The following TMED3 variants were observed in gnomAD, a reference collection of about 807,000 sequenced individuals.
The protein encoded by TMED3 is transmembrane p24 trafficking protein 3, also known as transmembrane emp24 domain-containing protein 3.
A neutral mutation model predicts 15.0 loss-of-function variants in TMED3; 9 were observed. The observed-to-expected ratio is 0.60, with a 90% confidence interval of 0.36 to 1.04. The LOEUF is 1.04. TMED3 is among the 50% of genes least tolerant of loss of function. The probability of loss-of-function intolerance (pLI) is 0.01; values close to 1 mark genes in which losing one functional copy is unlikely to be tolerated. For synonymous variants in TMED3, 117 were observed against 121.4 expected, an observed-to-expected ratio of 0.96 and a Z score of 0.24; for missense variants, 267 against 278.9, an observed-to-expected ratio of 0.96 and a Z score of 0.30.
At chr15:79,382,934 C>T in intron 2 of TMED3, 3 of 1,532,404 alleles carry the variant, frequency 2.0e-6, no homozygotes, top group Non-Finnish European at 2.6e-6. Context: ...AAGTCAATTA[C>T]AAGGGCATAA....
chr15:79,411,811 G>A, exon 3 of TMED3: 1 of 305,254 alleles, frequency 3.3e-6, no homozygotes, highest in Non-Finnish European at 6.3e-6. Context: ...TGGTGTGGGA[G>A]CATTTGCAAT....
At chr15:79,395,832 C>T (rs1347620421) in intron 2 of TMED3, among the ~76,000 whole-genome samples, 1 of 152,274 alleles carries the variant, frequency 6.6e-6, no homozygotes, top group East Asian at 1.9e-4. Flanking sequence ...ACATTTTAAA[C>T]GTTCTTATTT....
intron 2 of TMED3, among the ~76,000 whole-genome samples, chr15:79,394,598 A>G (rs1893739165): frequency 6.6e-6 from 1 of 152,200 alleles, no homozygotes; most frequent in Admixed American, 6.5e-5. Flanking sequence ...CCCACTATTT[A>G]TAGGTCCCAT....
intron 2 of TMED3, among the ~76,000 whole-genome samples, chr15:79,381,467 G>T (rs1162931939): frequency 6.6e-6 from 1 of 152,218 alleles, no homozygotes; most frequent in Non-Finnish European, 1.5e-5. Context: ...GTCCTCTGGA[G>T]CGGTAAGGAG....
intron 2 of TMED3, among the ~76,000 whole-genome samples, chr15:79,376,076 T>C (rs997225326): frequency 2.8e-5 from 4 of 145,272 alleles, no homozygotes; most frequent in Non-Finnish European, 4.5e-5. Flanking sequence ...ACTTACTTCA[T>C]CTATTCTAGA....
chr15:79,328,222 A>T (rs1314101480), intron 2 of TMED3, among the ~76,000 whole-genome samples: 1 of 152,216 alleles, frequency 6.6e-6, no homozygotes, highest in East Asian at 1.9e-4. Context: ...TATAGGAGGA[A>T]GAAAAAGTCA....
chr15:79,375,813 G>A (rs1893414124), intron 2 of TMED3, among the ~76,000 whole-genome samples: 1 of 152,136 alleles, frequency 6.6e-6, no homozygotes, highest in African/African-American at 2.4e-5. Flanking sequence ...CATGAGACTT[G>A]GGCAGGGACA....
chr15:79,329,482 G>A (rs754735368), intron 2 of TMED3, among the ~76,000 whole-genome samples: 1 of 152,246 alleles, frequency 6.6e-6, no homozygotes. Context: ...GTGTAAGCTT[G>A]TACTTGGCTC....
At chr15:79,383,966 G>C (rs1893584604) in intron 2 of TMED3, 1 of 152,194 alleles carries the variant, frequency 6.6e-6, no homozygotes, top group South Asian at 2.1e-4. Context: ...TATTTCTGGG[G>C]CATGATTCAG....
At chr15:79,347,903 A>C (rs1324349722) in intron 2 of TMED3, among the ~76,000 whole-genome samples, 1 of 152,096 alleles carries the variant, frequency 6.6e-6, no homozygotes, top group Non-Finnish European at 1.5e-5. Context: ...AAAGGGAAAA[A>C]ACTCTTATAC....
rs749835770 is a variant in TMED3 at position 79,380,134 on chromosome 15, C to G, written c.418-31266C>G. ...AAATATTGAGGGAGGGGCCGGATCA[C>G]GAGGTCAGGAGTTCGAGACCAGCCT... On this transcript the variant is annotated intron_variant, in intron 2 of 2. Coordinates refer to the TMED3 transcript ENST00000424155. Among the ~76,000 whole-genome samples, 4 of 152,102 alleles carry G rather than the reference C, an allele frequency of 2.6e-5. No homozygotes were observed. In the South Asian group the frequency reaches 8.3e-4, roughly 32 times the overall value.
intron 2 of TMED3, among the ~76,000 whole-genome samples, chr15:79,378,681 C>T (rs1355304050): frequency 6.6e-6 from 1 of 152,170 alleles, no homozygotes; most frequent in Admixed American, 6.5e-5. Context: ...GGTGGGCAGG[C>T]AGCCAACTAC....
chr15:79,390,451 T>G (rs1893681300), intron 2 of TMED3, among the ~76,000 whole-genome samples: 1 of 152,206 alleles, frequency 6.6e-6, no homozygotes, highest in South Asian at 2.1e-4. Context: ...CACTTGATCA[T>G]GGTGGATTAT....
At chr15:79,355,859 A>G (rs886268209) in intron 2 of TMED3, among the ~76,000 whole-genome samples, 1 of 152,204 alleles carries the variant, frequency 6.6e-6, no homozygotes, top group Non-Finnish European at 1.5e-5. Flanking sequence ...TCTACTGCCC[A>G]CATTACAGCT....
At chr15:79,373,573 G>C (rs925727076) in intron 2 of TMED3, among the ~76,000 whole-genome samples, 17 of 152,166 alleles carry the variant, frequency 1.1e-4, no homozygotes, top group African/African-American at 3.9e-4. Flanking sequence ...AGATGCTGCG[G>C]CTTTGGGTTT....
intron 2 of TMED3, among the ~76,000 whole-genome samples, chr15:79,393,528 TG>T (rs1893723546): frequency 6.6e-6 from 1 of 152,204 alleles, no homozygotes; most frequent in South Asian, 2.1e-4. Context: ...CACTTCTGCC[TG>T]GTGACACTTG....
chr15:79,383,090 T>C, intron 2 of TMED3: 1 of 1,475,718 alleles, frequency 6.8e-7, no homozygotes, highest in Admixed American at 2.0e-5. Context: ...CATGGCTCTT[T>C]GCCTGTAGAT....
At chr15:79,385,874 C>G (rs139867060) in intron 2 of TMED3, among the ~76,000 whole-genome samples, 286 of 152,324 alleles carry the variant, frequency 1.9e-3, no homozygotes, top group African/African-American at 6.2e-3. Flanking sequence ...GTGATAGCAG[C>G]AGCCTCTGCC....
chr15:79,315,452 A>G (rs746007909), intron 2 of TMED3, among the ~76,000 whole-genome samples: 12 of 152,276 alleles, frequency 7.9e-5, no homozygotes, highest in Non-Finnish European at 1.8e-4. Context: ...ATCTTTTGCA[A>G]CCGATACTCA....
Sources: allele counts gnomAD v4.1 joint callset (sites outside exome capture counted in the v4.1 genomes callset), GRCh38; gene constraint gnomAD v4.1.1; transcripts MANE v1.5; gene names NCBI Gene and HGNC (gene_info 2026-07-23, HGNC 2026-07-21).